Variants in LRRC8D observed in about 807,000 individuals in gnomAD.
LRRC8D encodes the protein volume-regulated anion channel subunit LRRC8D.
LRRC8D carries 20 observed loss-of-function variants against 55.8 expected under a neutral mutation model. The observed-to-expected ratio is 0.36, with a 90% CI of 0.25 to 0.52. The LOEUF is 0.52. Ranked by LOEUF, LRRC8D falls within the 20% of genes least tolerant of loss-of-function variation. The pLI, the probability that LRRC8D is intolerant of heterozygous loss-of-function variation, is 0.93. For synonymous variants in LRRC8D, 352 were observed against 377.0 expected, an observed-to-expected ratio of 0.93 and a Z score of 0.77; for missense variants, 651 against 1,030.8, an observed-to-expected ratio of 0.63 and a Z score of 5.05.
intron 2 of LRRC8D, among the ~76,000 whole-genome samples, chr1:89,923,784 C>A (rs1339531378): frequency 6.6e-6 from 1 of 152,168 alleles, no homozygotes; most frequent in East Asian, 1.9e-4. Context: ...ACACATACAA[C>A]CACCTGATCT....
intron 1 of LRRC8D, chr1:89,842,907 G>A (rs1277631008): frequency 6.6e-6 from 1 of 152,262 alleles, no homozygotes; most frequent in East Asian, 1.9e-4. Flanking sequence ...ATATATAAAT[G>A]TTGGTAGACT....
intron 1 of LRRC8D, among the ~76,000 whole-genome samples, chr1:89,826,768 A>G (rs2100695533): frequency 6.6e-6 from 1 of 152,340 alleles, no homozygotes; most frequent in South Asian, 2.1e-4. Context: ...AGGAACACAC[A>G]GTGGAATTTC....
In LRRC8D at chr1:89,821,665, C is replaced by T. The variant is rs1007799429; in HGVS notation, c.-148+374C>T. Among the ~76,000 whole-genome samples the T allele has an allele frequency of 5.3e-5, 8 of 152,174 alleles. 1 individual carries two copies. The highest frequency in any genetic ancestry group is 1.9e-4 in the African/African-American group (8 of 41,458). Reference sequence around the variant, plus strand: ...GAAAGGCGGGGAGAGCCGGTTTCGGCTCTGCTGGTTCCTCCCGGAGGTGGG... The same window carrying T: ...GAAAGGCGGGGAGAGCCGGTTTCGGTTCTGCTGGTTCCTCCCGGAGGTGGG... On this transcript the variant is annotated intron_variant, in intron 1 of 2. Coordinates refer to ENST00000337338, the MANE Select transcript of LRRC8D (RefSeq NM_001134479.2).
At chr1:89,880,324 G>A (rs1391479485) in intron 2 of LRRC8D, among the ~76,000 whole-genome samples, 1 of 151,680 alleles carries the variant, frequency 6.6e-6, no homozygotes, top group East Asian at 1.9e-4. Context: ...GATCATCTGA[G>A]GCAAAGTGTT....
At chr1:89,863,528 T>C (rs963400721) in intron 2 of LRRC8D, among the ~76,000 whole-genome samples, 1 of 152,198 alleles carries the variant, frequency 6.6e-6, no homozygotes, top group African/African-American at 2.4e-5. Context: ...AAAATGATTA[T>C]GCTTCTTTTT....
At chr1:89,856,195 T>C (rs945966241) in intron 2 of LRRC8D, among the ~76,000 whole-genome samples, 4 of 152,174 alleles carry the variant, frequency 2.6e-5, no homozygotes, top group Non-Finnish European at 4.4e-5. Flanking sequence ...TTTTTTTATC[T>C]GTTTAGCATC....
rs1663141210 is a variant in LRRC8D, at chr1:89,911,873, C to T, written c.-2-21194C>T. 6.6e-6 allele frequency among the ~76,000 whole-genome samples: 1 copy of T among 152,172 alleles called. No homozygotes were observed. The highest frequency in any genetic ancestry group is 2.4e-5 in the African/African-American group (1 of 41,432). ...CTTTTGGCTTCTAGGCCAACATTCTCTTCATAGTTCTTGTCCTCTGACCCA... is the reference window on the plus strand; with the variant it reads ...CTTTTGGCTTCTAGGCCAACATTCTTTTCATAGTTCTTGTCCTCTGACCCA... On this transcript the variant is annotated intron_variant, in intron 2 of 2. Coordinates refer to ENST00000337338, the MANE Select transcript of LRRC8D (RefSeq NM_001134479.2). The surrounding 1 kb of genome is among the most constrained non-coding windows in gnomAD (Gnocchi z 4.0).
intron 1 of LRRC8D, among the ~76,000 whole-genome samples, chr1:89,839,670 A>C (rs1001778494): frequency 6.6e-6 from 1 of 152,184 alleles, no homozygotes; most frequent in Non-Finnish European, 1.5e-5. Context: ...CAGGAAGTGA[A>C]TGTGAGTGCC....
intron 2 of LRRC8D, among the ~76,000 whole-genome samples, chr1:89,912,631 G>A (rs1663163159): frequency 6.6e-6 from 1 of 152,002 alleles, no homozygotes; most frequent in African/African-American, 2.4e-5. Context: ...GTGCATTTTG[G>A]CTCTCACAAG....
Position 89,933,671 on chromosome 1 carries a change from A to G in LRRC8D, c.603A>G (p.Gly201=), listed in dbSNP as rs775358315. Residue 201 remains glycine, a synonymous_variant, in exon 3 of 3, where the codon GGA becomes GGG. Coordinates refer to ENST00000337338, the MANE Select transcript of LRRC8D (RefSeq NM_001134479.2). This position sits in a 1 kb window ranked among gnomAD's most constrained non-coding sequence, Gnocchi z 7.0. ...SKVEHFVSIL[G]KCFESPWTTK... Reference sequence around the variant, plus strand: ...TAGAACATTTTGTTTCAATATTAGGAAAGTGCTTTGAATCCCCTTGGACGA... The same window carrying G: ...TAGAACATTTTGTTTCAATATTAGGGAAGTGCTTTGAATCCCCTTGGACGA... 8 of 1,614,030 alleles carry G rather than the reference A, an allele frequency of 5.0e-6. No homozygotes were observed. In the Admixed American group the frequency reaches 5.0e-5, roughly 10 times the overall value.
At chr1:89,888,534 A>G (rs1662482196) in intron 2 of LRRC8D, among the ~76,000 whole-genome samples, 1 of 152,228 alleles carries the variant, frequency 6.6e-6, no homozygotes, top group Non-Finnish European at 1.5e-5. Flanking sequence ...TCGCTGTGTC[A>G]CCTGAGAGAG....
rs1181859656 is a variant in LRRC8D, at chr1:89,860,756, C to CAAAAA, written c.-3+17000_-3+17004dup. Among the ~76,000 whole-genome samples the CAAAAA allele has an allele frequency of 1.3e-3, 24 of 18,844 alleles. 6 individuals carry two copies. Among genetic ancestry groups the CAAAAA allele is most frequent in the East Asian group, 0.01 (2 of 198 alleles). The allele number at this position is 18,844 out of a possible 152,430, so 12.4% of individuals were successfully genotyped here. A position where few individuals can be genotyped will look rare whatever the true frequency, so the allele number is the denominator to read the frequency against. ...CTGGCAACAGAGCAAGACTCTATCT[C>CAAAAA]AAAAAAAAAAAAAAAAAAAAAAAAA... On this transcript the variant is annotated intron_variant, in intron 2 of 2. Transcript: ENST00000337338.
Position 89,934,928 on chromosome 1 carries a change from T to C in LRRC8D, c.1860T>C (p.Asn620=), listed in dbSNP as rs1328186430. The change falls in exon 3 of 3, where the codon AAT becomes AAC. Residue 620 remains asparagine (N), a synonymous_variant. Transcript: ENST00000337338. The surrounding 1 kb of genome is among the most constrained non-coding windows in gnomAD (Gnocchi z 5.9). The part of the protein sequence containing the change: ...APHLTKLVIH[N]DGTKLLVLNS... ...ATCTTACAAAGTTAGTCATTCATAA[T>C]GACGGCACTAAACTCTTGGTACTGA... 1 of 1,614,120 alleles carries C rather than the reference T, an allele frequency of 6.2e-7. No homozygotes were observed. The highest frequency in any genetic ancestry group is 1.1e-5 in the South Asian group (1 of 91,076).
intron 2 of LRRC8D, among the ~76,000 whole-genome samples, chr1:89,909,893 A>G (rs1337157895): frequency 6.6e-6 from 1 of 151,938 alleles, no homozygotes; most frequent in Non-Finnish European, 1.5e-5. Context: ...AGAATTCAGT[A>G]AATATACCAA....
intron 2 of LRRC8D, among the ~76,000 whole-genome samples, chr1:89,930,572 A>G (rs1663680539): frequency 6.6e-6 from 1 of 152,136 alleles, no homozygotes; most frequent in Non-Finnish European, 1.5e-5. Flanking sequence ...TAAAAAGTAA[A>G]GAAAAATCCT....
At chr1:89,902,871 A>G (rs1398030957) in intron 2 of LRRC8D, among the ~76,000 whole-genome samples, 1 of 152,222 alleles carries the variant, frequency 6.6e-6, no homozygotes, top group African/African-American at 2.4e-5. Context: ...CCTAGGGGGA[A>G]CATTTGGCTT....
intron 2 of LRRC8D, among the ~76,000 whole-genome samples, chr1:89,883,907 T>C (rs1239231653): frequency 6.6e-6 from 1 of 152,166 alleles, no homozygotes; most frequent in Non-Finnish European, 1.5e-5. Context: ...CTGGGTGCTT[T>C]CTGAAAACCC....
intron 2 of LRRC8D, among the ~76,000 whole-genome samples, chr1:89,853,876 G>C (rs1276637262): frequency 3.3e-5 from 5 of 152,186 alleles, no homozygotes; most frequent in African/African-American, 1.2e-4. Flanking sequence ...AGGCAGGAGA[G>C]CGAGCAGATA....
intron 1 of LRRC8D, among the ~76,000 whole-genome samples, chr1:89,841,046 T>C (rs1427844476): frequency 1.3e-5 from 2 of 152,070 alleles, no homozygotes; most frequent in African/African-American, 2.4e-5. Context: ...TTGTGGAAAA[T>C]ATGTGGTAGC....
Sources: allele counts gnomAD v4.1 joint callset (sites outside exome capture counted in the v4.1 genomes callset), GRCh38; gene constraint gnomAD v4.1.1; non-coding constraint Gnocchi (gnomAD v3.1); transcripts MANE v1.5; gene names NCBI Gene and HGNC (gene_info 2026-07-23, HGNC 2026-07-21).